NAPA: variants seen among roughly 807,000 people sequenced by gnomAD.
NAPA encodes the protein NSF attachment protein alpha, also known as alpha-soluble NSF attachment protein.
Under a neutral mutation model 48.0 loss-of-function variants are expected in NAPA, and 18 were observed. The ratio of observed to expected loss-of-function variants is 0.38; its 90% CI spans 0.26 to 0.56. The LOEUF is 0.56. Ranked by LOEUF, NAPA falls within the 20% of genes least tolerant of loss-of-function variation. NAPA has a pLI of 0.77. For missense variants in NAPA, 315 were observed against 385.0 expected (o/e 0.82, Z 1.52); for synonymous variants, 152 against 149.9 (o/e 1.01, Z -0.10).
chr19:47,504,303 G>A (rs1430142464), intron 1 of NAPA, among the ~76,000 whole-genome samples: 1 of 151,484 alleles, frequency 6.6e-6, no homozygotes, highest in Non-Finnish European at 1.5e-5. Context: ...GCTGATGTGG[G>A]AGGATCACTT....
At position 47,493,311 on chromosome 19, in the gene NAPA, GCC is replaced by G; in HGVS notation, c.420+103_420+104del. On this transcript the variant is annotated intron_variant, in intron 5 of 10. Transcript: ENST00000263354. This position sits in a 1 kb window ranked among gnomAD's most constrained non-coding sequence, Gnocchi z 6.4. ...TCTCCAAGCTCTGCCGGCGCCCCAT[GCC>G]CCCTTCTCGGCACTCAGACACCAGA... The G allele has an allele frequency of 6.7e-7, 1 of 1,498,234 alleles. No individual in the cohort carries two copies. Among genetic ancestry groups the G allele is most frequent in the Non-Finnish European group, 9.2e-7 (1 of 1,084,868 alleles). 92.8% of individuals were successfully genotyped at this position (1,498,234 alleles called of 1,614,324 possible).
At chr19:47,509,329 TAAAATAAAATAAAATA>T (rs1968758589) in intron 1 of NAPA, among the ~76,000 whole-genome samples, 1 of 141,762 alleles carries the variant, frequency 7.1e-6, no homozygotes, top group Non-Finnish European at 1.5e-5. Flanking sequence ...TAAAATAAAA[TAAAATAAAATAAAATA>T]AAATAAATAA....
chr19:47,498,151 T>C (rs1968478806), intron 3 of NAPA, among the ~76,000 whole-genome samples: 1 of 152,260 alleles, frequency 6.6e-6, no homozygotes, highest in Non-Finnish European at 1.5e-5. Flanking sequence ...GGCAGGTCCT[T>C]CTGGAGGGAG....
chr19:47,495,369 G>C (rs1968394004), intron 4 of NAPA, 181 bp downstream of exon 4: 1 of 671,160 alleles, frequency 1.5e-6, no homozygotes, highest in African/African-American at 1.8e-5. Flanking sequence ...TGGGGAGCTG[G>C]GTGAAGACCC....
In NAPA at chr19:47,493,161, T is replaced by C. The variant is rs371280776; in HGVS notation, c.434A>G (p.Tyr145Cys). 6.3e-7 allele frequency: 1 copy of C among 1,598,762 alleles called. No individual in the cohort carries two copies. The highest frequency in any genetic ancestry group is 1.3e-5 in the African/African-American group (1 of 74,610). Residue 145 changes from tyrosine to cysteine, a missense_variant, in exon 6 of 11, where the codon TAC (tyrosine) becomes TGC (cysteine). Tyr to Cys is a radical substitution (Grantham distance 194). Coordinates refer to ENST00000263354, the MANE Select transcript of NAPA (RefSeq NM_003827.4). The surrounding 1 kb of genome is among the most constrained non-coding windows in gnomAD (Gnocchi z 6.4). ...LVDIEKAIAH[Y>C]EQSADYYKGE... ...TTTGTAGTAGTCTGCAGACTGCTCG[T>C]AGTGGGCAATGGCCTGGGGAGACAC...
chr19:47,488,475 G>A (rs1968140727), intron 10 of NAPA, 86 bp from the exon 11 acceptor site: 1 of 1,072,346 alleles, frequency 9.3e-7, no homozygotes, highest in Admixed American at 2.0e-5. Context: ...AGGTTTTCAA[G>A]ATCTGTCTCT....
intron 2 of NAPA, among the ~76,000 whole-genome samples, chr19:47,502,679 T>A (rs965281297): frequency 3.3e-5 from 5 of 152,344 alleles, no homozygotes; most frequent in Non-Finnish European, 7.4e-5. Flanking sequence ...ATGAAAGATG[T>A]ATGATGAAAT....
intron 10 of NAPA, 57 bp downstream of exon 10, chr19:47,489,654 C>T: frequency 1.9e-6 from 3 of 1,594,436 alleles, no homozygotes; most frequent in Admixed American, 1.7e-5. Context: ...AGAAGGGCAG[C>T]TTTCCTAGGA....
chr19:47,502,032 G>C (rs990156913), intron 2 of NAPA, among the ~76,000 whole-genome samples: 1 of 151,788 alleles, frequency 6.6e-6, no homozygotes, highest in Admixed American at 6.6e-5. Flanking sequence ...CACGAGATCA[G>C]GAGATGGAGA....
intron 4 of NAPA, 96 bp downstream of exon 4, chr19:47,495,454 G>C: frequency 7.3e-7 from 1 of 1,372,722 alleles, no homozygotes; most frequent in Non-Finnish European, 1.0e-6. Context: ...TTTGGCCGCA[G>C]AATAAGAACA....
In NAPA at chr19:47,493,300, C is replaced by G; in HGVS notation, c.420+116G>C. On this transcript the variant is annotated intron_variant, in intron 5 of 10. Transcript: ENST00000263354. The surrounding 1 kb of genome is among the most constrained non-coding windows in gnomAD (Gnocchi z 6.4). Reference sequence around the variant, plus strand: ...CCAGACCCCATTCTCCAAGCTCTGCCGGCGCCCCATGCCCCCTTCTCGGCA... The same window carrying G: ...CCAGACCCCATTCTCCAAGCTCTGCGGGCGCCCCATGCCCCCTTCTCGGCA... 1 of 1,489,234 alleles carries G rather than the reference C, an allele frequency of 6.7e-7. No homozygotes were observed. Among genetic ancestry groups the G allele is most frequent in the Non-Finnish European group, 9.3e-7 (1 of 1,080,750 alleles). The allele number at this position is 1,489,234 out of a possible 1,614,324, so 92.3% of individuals were successfully genotyped here.
In NAPA at chr19:47,495,588, T is replaced by G; in HGVS notation, c.304A>C (p.Asn102His). Reference sequence around the variant, plus strand: ...ATCTCGATTGCTCGCATCAAACAGTTAATGGCCTCTGGAGAGAAAGGGAGG... The same window carrying G: ...ATCTCGATTGCTCGCATCAAACAGTGAATGGCCTCTGGAGAGAAAGGGAGG... ...FKKADPQEAI[N>H]CLMRAIEIYT... Residue 102 changes from asparagine (N) to histidine (H), a missense_variant, in exon 4 of 11, where the codon AAC (asparagine) becomes CAC (histidine). Asn to His is a moderately conservative substitution (Grantham distance 68). Around this residue, in one of 3 missense-constraint regions of NAPA, gnomAD observed 173 missense variants for 213.5 expected, o/e 0.81. Coordinates refer to ENST00000263354, the MANE Select transcript of NAPA (RefSeq NM_003827.4). The G allele has an allele frequency of 6.8e-7, 1 of 1,473,414 alleles. No homozygotes were observed. Among genetic ancestry groups the G allele is most frequent in the African/African-American group, 1.9e-5 (1 of 51,536 alleles). 91.3% of individuals were successfully genotyped at this position (1,473,414 alleles called of 1,614,324 possible).
chr19:47,491,082 G>A, intron 8 of NAPA: 1 of 476,948 alleles, frequency 2.1e-6, no homozygotes, highest in Non-Finnish European at 3.8e-6. Context: ...GTGGGTGGAG[G>A]GGGAAGGTTC....
intron 4 of NAPA, 187 bp downstream of exon 4, chr19:47,495,363 G>A (rs1245038555): frequency 4.6e-6 from 3 of 653,652 alleles, no homozygotes; most frequent in South Asian, 1.8e-5. Context: ...GGCTGGTGGG[G>A]AGCTGGGTGA....
At position 47,493,479 on chromosome 19, in the gene NAPA, A is replaced by G; in HGVS notation, c.357T>C (p.Ile119=). The G allele has an allele frequency of 6.2e-7, 1 of 1,613,852 alleles. No individual in the cohort carries two copies. Among genetic ancestry groups the G allele is most frequent in the African/African-American group, 1.3e-5 (1 of 74,982 alleles). ...EIYTDMGRFT[I]AAKHHISIAE... is the part of the protein sequence containing the mutation. Reference sequence around the variant, plus strand: ...CAATGGAGATGTGGTGCTTGGCCGCAATCGTGAATCGGCCCTGGAGGGGAC... The same window carrying G: ...CAATGGAGATGTGGTGCTTGGCCGCGATCGTGAATCGGCCCTGGAGGGGAC... The change falls in exon 5 of 11, where the codon ATT becomes ATC. Residue 119 remains isoleucine, a synonymous_variant. Coordinates refer to ENST00000263354, the MANE Select transcript of NAPA (RefSeq NM_003827.4). The surrounding 1 kb of genome is among the most constrained non-coding windows in gnomAD (Gnocchi z 6.4).
In NAPA at chr19:47,514,980, C is replaced by T. The variant is rs377384160; in HGVS notation, c.-40G>A. The stretch of plus-strand genomic sequence containing the variant: ...GACTCAGCAAAGCGCCTGACCCTGA[C>T]CCTGGGAAGACTCAGCCGCGGCCGG... On this transcript the variant is annotated 5_prime_UTR_variant, in exon 1 of 11. Transcript: ENST00000263354. 2.8e-5 allele frequency: 45 copies of T among 1,594,804 alleles called. No homozygotes were observed. Among genetic ancestry groups the T allele is most frequent in the Non-Finnish European group, 3.8e-5 (44 of 1,165,864 alleles).
At chr19:47,492,788 C>A (rs781203566) in intron 7 of NAPA, 173 bp downstream of exon 7, 10 of 717,424 alleles carry the variant, frequency 1.4e-5, no homozygotes, top group Non-Finnish European at 2.0e-5. Context: ...AGGTGGAGAA[C>A]ATTCAGCCAG....
At chr19:47,500,609 CG>C (rs1568468016) in intron 3 of NAPA, 23 bp downstream of exon 3, 1 of 1,573,752 alleles carries the variant, frequency 6.4e-7, no homozygotes, top group Admixed American at 1.8e-5. Flanking sequence ...ACAGCCAGCC[CG>C]TGTGGCCCGC....
At chr19:47,498,982 C>G (rs1162025834) in intron 3 of NAPA, among the ~76,000 whole-genome samples, 1 of 152,202 alleles carries the variant, frequency 6.6e-6, no homozygotes, top group East Asian at 1.9e-4. Flanking sequence ...AATTCACGCC[C>G]CCAGCCTCAG....
Sources: allele counts gnomAD v4.1 joint callset (sites outside exome capture counted in the v4.1 genomes callset), GRCh38; gene constraint gnomAD v4.1.1; regional missense constraint gnomAD v4.1.1; non-coding constraint Gnocchi (gnomAD v3.1); transcripts MANE v1.5; gene names NCBI Gene and HGNC (gene_info 2026-07-23, HGNC 2026-07-21).